The following PARVB variants were observed in gnomAD, a reference collection of about 807,000 sequenced individuals.
PARVB encodes beta-parvin.
A neutral mutation model predicts 47.0 loss-of-function variants in PARVB; 46 were observed. The ratio of observed to expected loss-of-function variants is 0.98; its 90% CI spans 0.77 to 1.25. PARVB has a LOEUF of 1.25. Among genes scored for constraint, PARVB ranks in the 50% most tolerant of loss-of-function variants. PARVB has a pLI of 0.00. For missense variants in PARVB, 473 were observed against 471.6 expected (o/e 1.00, Z -0.03); for synonymous variants, 196 against 196.3 (o/e 1.00, Z 0.01).
chr22:44,022,728 T>G (rs902421518), upstream of PARVB, among the ~76,000 whole-genome samples: 1 of 147,474 alleles, frequency 6.8e-6, no homozygotes, highest in East Asian at 1.9e-4. Flanking sequence ...CTCCTCCTAC[T>G]TCTTTTTTTT....
In PARVB at chr22:44,089,565, A is replaced by T. The variant is rs1364964525; in HGVS notation, c.113-4363A>T. Reference sequence around the variant, plus strand: ...GTAGACCGGTACTTTAAAAACCAAAACATTCCTGGGATTCACTGAAAGCCA... The same window carrying T: ...GTAGACCGGTACTTTAAAAACCAAATCATTCCTGGGATTCACTGAAAGCCA... On this transcript the variant is annotated intron_variant, in intron 1 of 12. Coordinates refer to ENST00000338758, the MANE Select transcript of PARVB (RefSeq NM_013327.5). The surrounding 1 kb of genome is among the most constrained non-coding windows in gnomAD (Gnocchi z 4.0). 7.0e-6 allele frequency: 1 copy of T among 143,658 alleles called. No homozygotes were observed. Among genetic ancestry groups the T allele is most frequent in the African/African-American group, 2.6e-5 (1 of 39,196 alleles). The allele number at this position is 143,658 out of a possible 1,614,324, so 8.9% of individuals were successfully genotyped here.
chr22:44,163,988 G>A (rs569043296), intron 12 of PARVB, 58 bp downstream of exon 12: 40 of 1,380,422 alleles, frequency 2.9e-5, no homozygotes, highest in East Asian at 9.6e-5. Flanking sequence ...GAAGAAAAAC[G>A]GGTCCTAGAA....
In PARVB at chr22:44,094,026, G is replaced by A; in HGVS notation, c.202+9G>A. The A allele has an allele frequency of 6.5e-7, 1 of 1,540,208 alleles. No individual in the cohort carries two copies. The highest frequency in any genetic ancestry group is 1.1e-5 in the South Asian group (1 of 88,930). On this transcript the variant is annotated intron_variant, in intron 2 of 12. Transcript: ENST00000338758. ...TGAAGACACCCAGCTTGGTACGGGGGTTCCTCCGCTCCCTGCCCTGAGACA... is the reference window on the plus strand; with the variant it reads ...TGAAGACACCCAGCTTGGTACGGGGATTCCTCCGCTCCCTGCCCTGAGACA...
intron 1 of PARVB, among the ~76,000 whole-genome samples, chr22:44,091,236 G>T (rs1452575924): frequency 1.3e-5 from 2 of 150,972 alleles, no homozygotes; most frequent in African/African-American, 4.9e-5. Context: ...AGCCAGGCTG[G>T]CTCGCGGCTG....
intron 4 of PARVB, chr22:44,119,887 C>T (rs1569132106): frequency 1.9e-6 from 1 of 526,774 alleles, no homozygotes; most frequent in Non-Finnish European, 3.9e-6. Flanking sequence ...CCTTGCAGCT[C>T]ATATGGAAGA....
At chr22:44,161,548 A>G (rs901030517) in intron 11 of PARVB, among the ~76,000 whole-genome samples, 1 of 151,994 alleles carries the variant, frequency 6.6e-6, no homozygotes, top group Non-Finnish European at 1.5e-5. Flanking sequence ...TCCAGACCTC[A>G]TGATCCACCC....
chr22:44,087,061 A>T (rs910012), intron 1 of PARVB: 61,380 of 152,590 alleles, frequency 0.4, 12,572 homozygotes, highest in East Asian at 0.43. Context: ...GAGCAGGATC[A>T]GTTGTAACTA....
chr22:44,056,243 G>T (rs1183409882), intron 1 of PARVB, among the ~76,000 whole-genome samples: 4 of 152,224 alleles, frequency 2.6e-5, no homozygotes, highest in African/African-American at 9.6e-5. Flanking sequence ...TGGCCGTGTG[G>T]GATCCCACAC....
At chr22:44,092,626 G>C (rs577471068) in intron 1 of PARVB, among the ~76,000 whole-genome samples, 1 of 152,260 alleles carries the variant, frequency 6.6e-6, no homozygotes, top group South Asian at 2.1e-4. Flanking sequence ...CATGTGCCAT[G>C]CTCTGGACTG....
chr22:44,050,563 C>T (rs565434186), intron 1 of PARVB, among the ~76,000 whole-genome samples: 2 of 152,258 alleles, frequency 1.3e-5, no homozygotes, highest in South Asian at 2.1e-4. Context: ...GTCTCGAACT[C>T]CTGACCCCAG....
chr22:44,039,433 TG>T (rs2050978031), intron 1 of PARVB, among the ~76,000 whole-genome samples: 2 of 151,484 alleles, frequency 1.3e-5, no homozygotes, highest in Admixed American at 6.6e-5. Flanking sequence ...CCCAGCTACT[TG>T]GGAGGCTGAG....
rs73181264 is a variant in PARVB, at chr22:44,134,283, G to A, written c.633+1274G>A. ...CTAAGGAGGATGTTTGTGGCTGGTG[G>A]TGGTGACTCGGGACCTGGGGGGCCA... On this transcript the variant is annotated intron_variant, in intron 6 of 12. Coordinates refer to ENST00000338758, the MANE Select transcript of PARVB (RefSeq NM_013327.5). 5.6e-4 allele frequency among the ~76,000 whole-genome samples: 85 copies of A among 152,298 alleles called. 1 individual carries two copies. Among genetic ancestry groups the A allele is most frequent in the Non-Finnish European group, 9.4e-4 (64 of 68,024 alleles).
intron 2 of PARVB, among the ~76,000 whole-genome samples, chr22:44,099,408 C>T (rs1212515988): frequency 1.3e-5 from 2 of 152,194 alleles, no homozygotes; most frequent in Admixed American, 6.5e-5. Context: ...ATGACGGGCT[C>T]AGCTGGCTGC....
chr22:44,159,905 C>G (rs1360820465), intron 11 of PARVB, among the ~76,000 whole-genome samples: 2 of 152,210 alleles, frequency 1.3e-5, no homozygotes, highest in African/African-American at 2.4e-5. Flanking sequence ...GGAATCCTGA[C>G]AGCTGCTCCA....
At chr22:44,114,799 C>T (rs539594303) in intron 3 of PARVB, 2 of 136,460 alleles carry the variant, frequency 1.5e-5, no homozygotes, top group Admixed American at 7.3e-5. Flanking sequence ...TAAGTAAGGC[C>T]CTGCACCAAC....
At chr22:44,102,026 A>T (rs568795082) in intron 3 of PARVB, among the ~76,000 whole-genome samples, 1 of 152,328 alleles carries the variant, frequency 6.6e-6, no homozygotes, top group African/African-American at 2.4e-5. Context: ...GAGGTTTATT[A>T]TGATATTGGC....
rs370349369 is a variant in PARVB, at chr22:44,047,079, G to T, written c.112+22628G>T. ...CACCAGGCCTATCCATGGAGGAGCA[G>T]AGCTTCACATGGAGCCTGTGCCCCG... is the stretch of plus-strand genomic sequence containing the variant. On this transcript the variant is annotated intron_variant, in intron 1 of 12. Transcript: ENST00000338758. Among the ~76,000 whole-genome samples the T allele has an allele frequency of 4.6e-4, 70 of 152,290 alleles. 1 individual carries two copies. Among genetic ancestry groups the T allele is most frequent in the African/African-American group, 1.7e-3 (69 of 41,560 alleles).
intron 10 of PARVB, 128 bp downstream of exon 10, chr22:44,151,679 C>A: frequency 1.4e-6 from 1 of 723,898 alleles, no homozygotes; most frequent in Non-Finnish European, 2.5e-6. Flanking sequence ...TCCCGTGGTG[C>A]AGGCAGAAAT....
chr22:44,033,939 A>T (rs1316008350), intron 1 of PARVB, among the ~76,000 whole-genome samples: 1 of 152,040 alleles, frequency 6.6e-6, no homozygotes, highest in Non-Finnish European at 1.5e-5. Context: ...AGGGAACTAG[A>T]ACTGACCAGG....
Sources: allele counts gnomAD v4.1 joint callset (sites outside exome capture counted in the v4.1 genomes callset), GRCh38; gene constraint gnomAD v4.1.1; non-coding constraint Gnocchi (gnomAD v3.1); transcripts MANE v1.5; gene names NCBI Gene and HGNC (gene_info 2026-07-23, HGNC 2026-07-21).